Variants in PCNX2 observed in about 807,000 individuals in gnomAD.
PCNX2 encodes pecanex 2.
In PCNX2, 168 loss-of-function variants were observed where a neutral mutation model predicts 223.8. That is an observed-to-expected ratio of 0.75 (90% CI 0.66 to 0.85). The LOEUF (loss-of-function observed/expected upper bound fraction) is 0.85, where lower values mean the gene tolerates loss of function less well. PCNX2 is among the 40% of genes least tolerant of loss of function. PCNX2 has a pLI of 0.00. For synonymous variants in PCNX2, 1,006 were observed against 1,052.6 expected, an observed-to-expected ratio of 0.96 and a Z score of 0.86; for missense variants, 2,507 against 2,675.5, an observed-to-expected ratio of 0.94 and a Z score of 1.39.
chr1:233,146,752 T>C (rs1328841004), intron 19 of PCNX2, among the ~76,000 whole-genome samples: 1 of 152,200 alleles, frequency 6.6e-6, no homozygotes, highest in Non-Finnish European at 1.5e-5. Context: ...TTTGAGTGGC[T>C]GGGTCATCAC....
At chr1:233,047,969 G>C (rs1363573073) in intron 25 of PCNX2, among the ~76,000 whole-genome samples, 1 of 152,044 alleles carries the variant, frequency 6.6e-6, no homozygotes. Flanking sequence ...CATAAAGCAA[G>C]TCTCAATAAA....
At chr1:233,108,968 G>C (rs558176826) in intron 21 of PCNX2, among the ~76,000 whole-genome samples, 105 of 152,246 alleles carry the variant, frequency 6.9e-4, no homozygotes, top group African/African-American at 2.5e-3. Context: ...AAAGGTATAA[G>C]AGCATGCAGC....
At chr1:233,189,925 C>G (rs1680321446) in intron 15 of PCNX2, among the ~76,000 whole-genome samples, 2 of 152,112 alleles carry the variant, frequency 1.3e-5, no homozygotes, top group African/African-American at 4.8e-5. Context: ...CTATTTAAGT[C>G]AATGAGGGAG....
rs369431993 is a variant in PCNX2 at position 233,075,696 on chromosome 1, A to AACACACACACAC, written c.4076+14353_4076+14364dup. The stretch of plus-strand genomic sequence containing the variant: ...GCATTTGAATCTGCAGTTAGCTTAA[A>AACACACACACAC]ACACACACACACACACACACACACA... On this transcript the variant is annotated intron_variant, in intron 23 of 33. Transcript: ENST00000258229. 5.9e-3 allele frequency among the ~76,000 whole-genome samples: 805 copies of AACACACACACAC among 137,316 alleles called. 14 individuals are homozygous for AACACACACACAC. Among genetic ancestry groups the AACACACACACAC allele is most frequent in the African/African-American group, 0.02 (728 of 36,050 alleles). The allele number at this position is 137,316 out of a possible 152,430, so 90.1% of individuals were successfully genotyped here. A position where few individuals can be genotyped will look rare whatever the true frequency, so the allele number is the denominator to read the frequency against.
chr1:233,257,330 A>G (rs1239142846), intron 5 of PCNX2, among the ~76,000 whole-genome samples: 2 of 152,204 alleles, frequency 1.3e-5, no homozygotes, highest in Non-Finnish European at 2.9e-5. Context: ...TGGTATATCC[A>G]TAACGTAAAG....
At chr1:233,081,263 T>C (rs1298742328) in intron 23 of PCNX2, among the ~76,000 whole-genome samples, 2 of 152,084 alleles carry the variant, frequency 1.3e-5, no homozygotes, top group African/African-American at 4.8e-5. Context: ...AGAGAATTGC[T>C]CAAACCTGGG....
At chr1:233,233,163 A>C (rs1363566109) in intron 9 of PCNX2, among the ~76,000 whole-genome samples, 1 of 152,174 alleles carries the variant, frequency 6.6e-6, no homozygotes, top group Non-Finnish European at 1.5e-5. Context: ...GATTTTAAAA[A>C]CCATGGTAAT....
chr1:233,272,294 GAA>G (rs35023237), intron 1 of PCNX2, among the ~76,000 whole-genome samples: 12,272 of 120,460 alleles, frequency 0.1, 662 homozygotes, highest in South Asian at 0.19. Context: ...CAATTAGCAA[GAA>G]AAAAAAAAAA....
chr1:233,261,749 G>A (rs369208051), intron 3 of PCNX2, among the ~76,000 whole-genome samples: 4 of 152,234 alleles, frequency 2.6e-5, no homozygotes. Flanking sequence ...AATGACAACA[G>A]AAAGAAGCAA....
upstream of PCNX2, chr1:233,295,848 C>G: frequency 4.3e-6 from 1 of 232,122 alleles, no homozygotes; most frequent in Non-Finnish European, 8.3e-6. The surrounding 1 kb of genome is among the most constrained non-coding windows in gnomAD (Gnocchi z 4.1). Flanking sequence ...GTGAGTGCCT[C>G]CAGCCTTTTC....
chr1:233,160,079 G>A (rs116416152), intron 19 of PCNX2, among the ~76,000 whole-genome samples: 1,548 of 152,182 alleles, frequency 0.01, 26 homozygotes, highest in African/African-American at 0.035. Flanking sequence ...TAGAATATCT[G>A]GGAACAAATA....
chr1:233,044,236 C>T (rs1470783213), intron 25 of PCNX2, among the ~76,000 whole-genome samples: 1 of 152,124 alleles, frequency 6.6e-6, no homozygotes, highest in Admixed American at 6.5e-5. Context: ...ATGTCCTTCG[C>T]CCACTTTTTG....
At chr1:233,272,041 G>A (rs955888006) in intron 1 of PCNX2, among the ~76,000 whole-genome samples, 7 of 152,036 alleles carry the variant, frequency 4.6e-5, no homozygotes, top group African/African-American at 4.8e-5. Context: ...AAAAATCCTT[G>A]AAGATAACAT....
intron 9 of PCNX2, 62 bp from the exon 10 acceptor site, chr1:233,227,433 A>T: frequency 2.2e-5 from 28 of 1,300,344 alleles, no homozygotes; most frequent in South Asian, 5.6e-5. Flanking sequence ...CATGGCCACA[A>T]ATATATATAT....
intron 15 of PCNX2, among the ~76,000 whole-genome samples, chr1:233,190,869 C>T (rs1459818303): frequency 2.0e-5 from 3 of 152,174 alleles, no homozygotes; most frequent in Admixed American, 6.6e-5. Flanking sequence ...GAGTTTATCT[C>T]TTGGGCTGGC....
rs1369175486 is a variant in PCNX2, at chr1:233,001,254, C to A, written c.5097+283G>T. On this transcript the variant is annotated intron_variant, in intron 29 of 33. Coordinates refer to ENST00000258229, the MANE Select transcript of PCNX2 (RefSeq NM_014801.4). The surrounding 1 kb of genome is among the most constrained non-coding windows in gnomAD (Gnocchi z 4.2). ...CAGCACTTTGGGAGGCTAAGGCGGG[C>A]AGATCACTTAAGGTCGGGAGTTCGA... is the stretch of plus-strand genomic sequence containing the variant. 1.3e-5 allele frequency among the ~76,000 whole-genome samples: 2 copies of A among 152,068 alleles called. No individual in the cohort carries two copies. Among genetic ancestry groups the A allele is most frequent in the Non-Finnish European group, 2.9e-5 (2 of 68,016 alleles).
At chr1:233,214,097 G>T (rs983269821) in intron 12 of PCNX2, among the ~76,000 whole-genome samples, 27 of 150,996 alleles carry the variant, frequency 1.8e-4, no homozygotes, top group Non-Finnish European at 1.3e-4. Context: ...AAAGTGCTGG[G>T]ATTACAGGCA....
the PCNX2 span, among the ~76,000 whole-genome samples, chr1:233,309,779 G>A: frequency 2.6e-5 from 4 of 151,896 alleles, no homozygotes; most frequent in African/African-American, 9.7e-5. Context: ...TCAGGCGGCT[G>A]AGGTGTGAGA....
At chr1:233,179,589 T>C (rs896758819) in intron 15 of PCNX2, among the ~76,000 whole-genome samples, 8 of 152,216 alleles carry the variant, frequency 5.3e-5, no homozygotes, top group African/African-American at 1.9e-4. Flanking sequence ...AGAGATTAAA[T>C]AGACTAATGA....
Sources: gnomAD v4.1 joint callset for allele counts (sites outside exome capture counted in the v4.1 genomes callset) on GRCh38, gnomAD v4.1.1 for gene constraint, Gnocchi (gnomAD v3.1) non-coding constraint, MANE v1.5 for transcripts, NCBI Gene and HGNC (gene_info 2026-07-23, HGNC 2026-07-21) for gene names.